The following HNF4G variants were observed in gnomAD, a reference collection of about 807,000 sequenced individuals.
HNF4G encodes the protein hepatocyte nuclear factor 4 gamma.
HNF4G carries 21 observed loss-of-function variants against 50.9 expected under a neutral mutation model. The observed-to-expected ratio is 0.41, with a 90% CI of 0.29 to 0.59. HNF4G has a LOEUF of 0.59. Among genes scored for constraint, HNF4G ranks in the 20% least tolerant of loss-of-function variants. HNF4G has a pLI of 0.26. For synonymous variants in HNF4G, 198 were observed against 185.6 expected (o/e 1.07, Z -0.54); for missense variants, 527 against 559.4 (o/e 0.94, Z 0.58).
At chr8:75,506,793 A>G (rs1813088997) in intron 2 of HNF4G, among the ~76,000 whole-genome samples, 2 of 152,208 alleles carry the variant, frequency 1.3e-5, no homozygotes, top group Admixed American at 6.5e-5. Context: ...ATTTTGTGAT[A>G]GAGTGCAAAG....
intron 2 of HNF4G, among the ~76,000 whole-genome samples, chr8:75,491,841 G>A (rs1391844491): frequency 1.3e-5 from 2 of 152,160 alleles, no homozygotes; most frequent in African/African-American, 4.8e-5. Flanking sequence ...ATTAGACCAT[G>A]AAGACTTATA....
chr8:75,416,197 T>G (rs1365969868), intron 1 of HNF4G, among the ~76,000 whole-genome samples: 1 of 152,214 alleles, frequency 6.6e-6, no homozygotes, highest in African/African-American at 2.4e-5. Context: ...TCAAAGAACT[T>G]ACTTTTTCAA....
intron 1 of HNF4G, among the ~76,000 whole-genome samples, chr8:75,418,625 C>A (rs1338152746): frequency 6.6e-6 from 1 of 151,222 alleles, no homozygotes; most frequent in African/African-American, 2.4e-5. Flanking sequence ...GGACAAATGG[C>A]AAAATTGATG....
chr8:75,416,973 A>T (rs1314789091), intron 1 of HNF4G, among the ~76,000 whole-genome samples: 1 of 152,220 alleles, frequency 6.6e-6, no homozygotes, highest in African/African-American at 2.4e-5. Context: ...CTCAGCATAG[A>T]GTCTGGCAAA....
At chr8:75,555,914 A>C in intron 5 of HNF4G, 68 bp from the exon 6 acceptor site, 1 of 873,684 alleles carries the variant, frequency 1.1e-6, no homozygotes, top group Non-Finnish European at 1.7e-6. Context: ...CTAAGTTAAC[A>C]AGACTCATGT....
At chr8:75,535,901 C>T (rs1429358683), upstream of HNF4G, among the ~76,000 whole-genome samples, 1 of 151,864 alleles carries the variant, frequency 6.6e-6, no homozygotes, top group Non-Finnish European at 1.5e-5. Flanking sequence ...ATTGGGTTGT[C>T]TTCTTTAAAC....
intron 1 of HNF4G, among the ~76,000 whole-genome samples, chr8:75,476,199 A>AT (rs1181517589): frequency 1.3e-5 from 2 of 151,964 alleles, no homozygotes; most frequent in African/African-American, 4.8e-5. Flanking sequence ...GTGGTATTTG[A>AT]TTTTCTGTTT....
intron 1 of HNF4G, among the ~76,000 whole-genome samples, chr8:75,427,678 G>T (rs1810920052): frequency 1.3e-5 from 2 of 151,918 alleles, no homozygotes; most frequent in Admixed American, 1.3e-4. Flanking sequence ...TTGAATGAAT[G>T]AATATATATT....
Position 75,424,635 on chromosome 8 carries a change from C to G in HNF4G, c.-144+16473C>G, listed in dbSNP as rs768841142. On this transcript the variant is annotated intron_variant, in intron 1 of 10. Transcript: ENST00000354370. Reference sequence around the variant, plus strand: ...GTGCCCACTTATAAGTGAGAACATGCAATAACTGGTTTTCTGTGTTTGTGT... The same window carrying G: ...GTGCCCACTTATAAGTGAGAACATGGAATAACTGGTTTTCTGTGTTTGTGT... 2.0e-5 allele frequency among the ~76,000 whole-genome samples: 3 copies of G among 152,166 alleles called. No homozygotes were observed. The South Asian group carries it at 6.2e-4, about 32-fold the overall frequency.
intron 1 of HNF4G, among the ~76,000 whole-genome samples, chr8:75,421,019 T>C (rs1258481128): frequency 1.3e-5 from 2 of 152,232 alleles, no homozygotes; most frequent in Non-Finnish European, 2.9e-5. Context: ...TTAGTTCTCT[T>C]ATAGCCACAT....
Position 75,564,141 on chromosome 8 carries a change from G to T in HNF4G, c.*45G>T. ...CGGCACTACATAAATGTGAAAAGTT[G>T]TTGATCTTGAAATATCTCAGGATAG... is the stretch of plus-strand genomic sequence containing the variant. On this transcript the variant is annotated 3_prime_UTR_variant, in exon 10 of 10. Coordinates refer to ENST00000396423, the MANE Select transcript of HNF4G (RefSeq NM_004133.5). The T allele has an allele frequency of 1.9e-6, 3 of 1,602,956 alleles. No individual in the cohort carries two copies. Among genetic ancestry groups the T allele is most frequent in the Non-Finnish European group, 2.6e-6 (3 of 1,173,406 alleles).
chr8:75,540,881 G>A (rs1426444601), intron 1 of HNF4G, among the ~76,000 whole-genome samples: 1 of 151,358 alleles, frequency 6.6e-6, no homozygotes, highest in Non-Finnish European at 1.5e-5. Context: ...GTGTGTGTGT[G>A]TTTAATGCAA....
chr8:75,539,846 GTCAC>G, upstream of HNF4G: 2 of 615,230 alleles, frequency 3.3e-6, no homozygotes, highest in Non-Finnish European at 5.9e-6. Flanking sequence ...CAGCTCTTAA[GTCAC>G]TCAGTTACAG....
upstream of HNF4G, among the ~76,000 whole-genome samples, chr8:75,537,747 G>A (rs1436526709): frequency 4.6e-5 from 7 of 152,114 alleles, no homozygotes; most frequent in Admixed American, 2.0e-4. Flanking sequence ...CAAAGGCAAT[G>A]TATGAGACTT....
rs553970003 is a variant in HNF4G at position 75,474,772 on chromosome 8, A to G, written c.-143-15317A>G. On this transcript the variant is annotated intron_variant, in intron 1 of 10. Coordinates refer to the HNF4G transcript ENST00000354370. Reference sequence around the variant, plus strand: ...GAGTGCAGTGGCGCGATCTTGGCTCACTGCAACCTCCGCCTCCCAGATTCA... The same window carrying G: ...GAGTGCAGTGGCGCGATCTTGGCTCGCTGCAACCTCCGCCTCCCAGATTCA... Among the ~76,000 whole-genome samples the G allele has an allele frequency of 3.0e-3, 463 of 152,118 alleles. 2 individuals are homozygous for G. The highest frequency in any genetic ancestry group is 0.011 in the African/African-American group (450 of 41,514).
chr8:75,544,111 A>G (rs1806702286), intron 2 of HNF4G, 132 bp downstream of exon 2: 2 of 725,510 alleles, frequency 2.8e-6, no homozygotes, highest in Non-Finnish European at 4.4e-6. Context: ...ACTGCGGTAC[A>G]AGTAAGAACG....
At position 75,553,107 on chromosome 8, in the gene HNF4G, T is replaced by C. The variant is rs16939095; in HGVS notation, c.555T>C (p.Asp185=). 2,447 of 1,612,900 alleles carry C rather than the reference T, an allele frequency of 1.5e-3. 23 individuals carry two copies. In the African/African-American group the frequency reaches 0.028, roughly 19 times the overall value. ...INVKKIASIG[D]VCESMKQQLL... ...TTAAGAAAATTGCAAGTATTGGTGA[T>C]GTCTGTGAATCTATGAAACAGCAGC... Residue 185 remains aspartate (D), a synonymous_variant, in exon 5 of 10, where the codon GAT becomes GAC. Transcript: ENST00000396423.
At position 75,515,770 on chromosome 8, in the gene HNF4G, GT is replaced by G. The variant is rs927879400; in HGVS notation, c.-24+25574del. ...CACTGACATTCATGGGGGCCACCAT[GT>G]TTTTTTTTTTTGAGATGGAATTTCA... is the stretch of plus-strand genomic sequence containing the variant. On this transcript the variant is annotated intron_variant, in intron 2 of 10. Transcript: ENST00000354370. Among the ~76,000 whole-genome samples, 143 of 145,114 alleles carry G rather than the reference GT, an allele frequency of 9.9e-4. 1 individual carries two copies. The highest frequency in any genetic ancestry group is 2.7e-3 in the African/African-American group (108 of 39,920).
In HNF4G at chr8:75,565,692, G is replaced by C. The variant is rs984857771; in HGVS notation, c.*1596G>C. ...AAAAAGAGGATCCCAAACTGTAAAAGATTGAAATAATCTTTCTCAGGATTT... is the reference window on the plus strand; with the variant it reads ...AAAAAGAGGATCCCAAACTGTAAAACATTGAAATAATCTTTCTCAGGATTT... On this transcript the variant is annotated 3_prime_UTR_variant, in exon 10 of 10. Coordinates refer to ENST00000396423, the MANE Select transcript of HNF4G (RefSeq NM_004133.5). 11 of 152,052 alleles carry C rather than the reference G, an allele frequency of 7.2e-5. No individual in the cohort carries two copies. The highest frequency in any genetic ancestry group is 2.7e-4 in the African/African-American group (11 of 41,408). The allele number at this position is 152,052 out of a possible 1,614,324, so 9.4% of individuals were successfully genotyped here.
Sources: gnomAD v4.1 joint callset for allele counts (sites outside exome capture counted in the v4.1 genomes callset) on GRCh38, gnomAD v4.1.1 for gene constraint, MANE v1.5 for transcripts, NCBI Gene and HGNC (gene_info 2026-07-23, HGNC 2026-07-21) for gene names.